STARD3NL: variants seen among roughly 807,000 people sequenced by gnomAD.
The protein encoded by STARD3NL is STARD3 N-terminal-like protein.
A neutral mutation model predicts 30.9 loss-of-function variants in STARD3NL; 17 were observed. The observed-to-expected ratio is 0.55, with a 90% CI of 0.38 to 0.82. The LOEUF (loss-of-function observed/expected upper bound fraction) is 0.82, where lower values mean the gene tolerates loss of function less well. Ranked by LOEUF, STARD3NL falls within the 40% of genes least tolerant of loss-of-function variation. The pLI is 0.00. For missense variants in STARD3NL, 234 were observed against 277.6 expected, an observed-to-expected ratio of 0.84 and a Z score of 1.12; for synonymous variants, 112 against 100.5, an observed-to-expected ratio of 1.11 and a Z score of -0.69.
chr7:38,207,785 T>C (rs1583807475), intron 2 of STARD3NL, 56 bp downstream of exon 2: 2 of 1,507,908 alleles, frequency 1.3e-6, no homozygotes, highest in East Asian at 4.5e-5. Flanking sequence ...GACAACAGGG[T>C]TTTTTTGTTC....
intron 1 of STARD3NL, among the ~76,000 whole-genome samples, chr7:38,186,555 ATGGACTG>A (rs770934335): frequency 2.0e-5 from 3 of 152,240 alleles, no homozygotes; most frequent in Non-Finnish European, 2.9e-5. Flanking sequence ...TAGGTCAACA[ATGGACTG>A]CATATATGAT....
intron 1 of STARD3NL, among the ~76,000 whole-genome samples, chr7:38,197,286 C>T (rs982114616): frequency 2.7e-5 from 4 of 150,626 alleles, no homozygotes; most frequent in East Asian, 2.0e-4. Flanking sequence ...AGTGCAGTGG[C>T]GTAATCTTAG....
At chr7:38,204,076 C>T (rs1329050411) in intron 1 of STARD3NL, among the ~76,000 whole-genome samples, 3 of 152,194 alleles carry the variant, frequency 2.0e-5, no homozygotes, top group African/African-American at 7.2e-5. Context: ...GACAGATCAA[C>T]GAGACAGAAA....
intron 4 of STARD3NL, chr7:38,216,455 C>CTGTGTG (rs1491219083): frequency 1.9e-5 from 2 of 106,926 alleles, no homozygotes; most frequent in African/African-American, 9.6e-5. Flanking sequence ...TCCCAAGCAG[C>CTGTGTG]TCTGTGTGTG....
intron 1 of STARD3NL, among the ~76,000 whole-genome samples, chr7:38,202,668 C>T (rs1785240207): frequency 6.6e-6 from 1 of 151,380 alleles, no homozygotes; most frequent in African/African-American, 2.4e-5. Flanking sequence ...TGGTGTGCTG[C>T]ACCCATTAAC....
Position 38,214,368 on chromosome 7 carries a change from C to A in STARD3NL, c.237C>A (p.Gly79=). 6.2e-7 allele frequency: 1 copy of A among 1,603,082 alleles called. No homozygotes were observed. The highest frequency in any genetic ancestry group is 8.5e-7 in the Non-Finnish European group (1 of 1,172,052). The change falls in exon 3 of 9, where the codon GGC becomes GGA. Residue 79 remains glycine, a synonymous_variant. Transcript: ENST00000009041. Reference sequence around the variant, plus strand: ...ACTCTCCTTTCTAGGTGAATGGAGGCATTGAGAACACATTAGAGAAGGAGG... The same window carrying A: ...ACTCTCCTTTCTAGGTGAATGGAGGAATTGAGAACACATTAGAGAAGGAGG... ...LWIIELNVNG[G]IENTLEKEVM...
intron 2 of STARD3NL, among the ~76,000 whole-genome samples, chr7:38,209,347 G>A (rs1199495966): frequency 6.6e-6 from 1 of 151,534 alleles, no homozygotes; most frequent in Non-Finnish European, 1.5e-5. Flanking sequence ...GCAGTGACAC[G>A]ATCTTGGCTC....
At chr7:38,197,196 T>TTTC (rs1784961251) in intron 1 of STARD3NL, among the ~76,000 whole-genome samples, 1 of 33,882 alleles carries the variant, frequency 3.0e-5, no homozygotes, top group Non-Finnish European at 7.0e-5. Flanking sequence ...TTCTTTCTTT[T>TTTC]TCTCTCTCTC....
intron 1 of STARD3NL, among the ~76,000 whole-genome samples, chr7:38,204,000 CTACAAAGAGACT>C (rs1333709290): frequency 6.6e-6 from 1 of 152,112 alleles, no homozygotes; most frequent in Admixed American, 6.5e-5. Flanking sequence ...CCTTAGAGAC[CTACAAAGAGACT>C]TAGACTCCCA....
chr7:38,199,732 A>G (rs1013299613), intron 1 of STARD3NL, among the ~76,000 whole-genome samples: 1 of 152,258 alleles, frequency 6.6e-6, no homozygotes. Context: ...CAGACAGTAG[A>G]AAGTGGCTGT....
At chr7:38,218,503 T>C (rs757271958) in intron 6 of STARD3NL, among the ~76,000 whole-genome samples, 27 of 152,354 alleles carry the variant, frequency 1.8e-4, no homozygotes, top group Middle Eastern at 3.4e-3. Context: ...AATATAAAAC[T>C]GAACTTTGTT....
intron 1 of STARD3NL, among the ~76,000 whole-genome samples, chr7:38,182,703 C>T (rs1377191218): frequency 6.6e-6 from 1 of 152,208 alleles, no homozygotes; most frequent in East Asian, 1.9e-4. Context: ...AGCTTTAACT[C>T]TGACCAGGAA....
At chr7:38,206,016 G>A (rs991452866) in intron 1 of STARD3NL, among the ~76,000 whole-genome samples, 1 of 152,194 alleles carries the variant, frequency 6.6e-6, no homozygotes. Flanking sequence ...CATAAATGCT[G>A]TGCCATTTTA....
intron 1 of STARD3NL, among the ~76,000 whole-genome samples, chr7:38,182,859 G>A (rs1344923710): frequency 6.6e-6 from 1 of 152,148 alleles, no homozygotes; most frequent in Non-Finnish European, 1.5e-5. Context: ...AGACTAGCGA[G>A]CATCCTCAGT....
Position 38,207,471 on chromosome 7 carries a change from G to T in STARD3NL, c.-34G>T. On this transcript the variant is annotated 5_prime_UTR_variant, in exon 2 of 9. In the 5' UTR this introduces an upstream ATG that the reference lacks. Transcript: ENST00000009041. ...GGTGTCTTCTCTTTAGGGATGGTGA[G>T]GTTGGAAAAAGGCTCCTGTAACCCT... 1 of 1,590,316 alleles carries T rather than the reference G, an allele frequency of 6.3e-7. No homozygotes were observed. The highest frequency in any genetic ancestry group is 8.6e-7 in the Non-Finnish European group (1 of 1,161,032).
At position 38,226,152 on chromosome 7, in the gene STARD3NL, G is replaced by GTTT. The variant is rs11286474; in HGVS notation, c.650-2627_650-2625dup. On this transcript the variant is annotated intron_variant, in intron 7 of 8. Transcript: ENST00000009041. ...ACTTTCTTGAATCTTTGCCTATCTTGTTTTTTTTTTTTTTTTTTTTTTGAT... is the reference window on the plus strand; with the variant it reads ...ACTTTCTTGAATCTTTGCCTATCTTGTTTTTTTTTTTTTTTTTTTTTTTTTGAT... Among the ~76,000 whole-genome samples, 860 of 102,230 alleles carry GTTT rather than the reference G, an allele frequency of 8.4e-3. 17 individuals carry two copies. The highest frequency in any genetic ancestry group is 0.026 in the African/African-American group (671 of 25,526). The allele number at this position is 102,230 out of a possible 152,430, so 67.1% of individuals were successfully genotyped here.
chr7:38,192,632 G>A (rs947828338), intron 1 of STARD3NL, among the ~76,000 whole-genome samples: 1 of 152,156 alleles, frequency 6.6e-6, no homozygotes, highest in African/African-American at 2.4e-5. Context: ...AAATTAAAGA[G>A]TTTGAGCTCT....
intron 6 of STARD3NL, among the ~76,000 whole-genome samples, chr7:38,217,617 C>T (rs1450777242): frequency 6.6e-6 from 1 of 152,196 alleles, no homozygotes; most frequent in African/African-American, 2.4e-5. Flanking sequence ...ACAGGTTGTT[C>T]TTTTCTCCCT....
intron 1 of STARD3NL, among the ~76,000 whole-genome samples, chr7:38,197,148 CTTTCTT>C (rs1310613402): frequency 7.0e-6 from 1 of 141,892 alleles, no homozygotes; most frequent in Non-Finnish European, 1.5e-5. Context: ...TTCTTTCTTT[CTTTCTT>C]TCTTTCTTTC....
Sources: gnomAD v4.1 joint callset for allele counts (sites outside exome capture counted in the v4.1 genomes callset) on GRCh38, gnomAD v4.1.1 for gene constraint, MANE v1.5 for transcripts, NCBI Gene and HGNC (gene_info 2026-07-23, HGNC 2026-07-21) for gene names.